Variants in FBN1 observed in about 807,000 individuals in gnomAD.
FBN1 encodes the protein fibrillin 1.
Under a neutral mutation model 365.1 loss-of-function variants are expected in FBN1, and 29 were observed. The ratio of observed to expected loss-of-function variants is 0.08; its 90% CI spans 0.06 to 0.11. The LOEUF is 0.11. Ranked by LOEUF, FBN1 falls within the 10% of genes least tolerant of loss-of-function variation. FBN1 has a pLI of 1.00. For synonymous variants in FBN1, 1,210 were observed against 1,270.5 expected, an observed-to-expected ratio of 0.95 and a Z score of 1.01; for missense variants, 2,476 against 3,703.2, an observed-to-expected ratio of 0.67 and a Z score of 8.60.
At chr15:48,470,538 C>T in intron 36 of FBN1, 96 bp downstream of exon 36, 1 of 1,554,034 alleles carries the variant, frequency 6.4e-7, no homozygotes, top group South Asian at 1.1e-5. Context: ...CTTTTCTTGT[C>T]TTCTGTGACG....
At chr15:48,587,018 C>T (rs1417779173) in intron 6 of FBN1, among the ~76,000 whole-genome samples, 1 of 152,134 alleles carries the variant, frequency 6.6e-6, no homozygotes, top group African/African-American at 2.4e-5. Flanking sequence ...CTAACAAACC[C>T]GATGCCTCCC....
intron 24 of FBN1, among the ~76,000 whole-genome samples, chr15:48,491,484 G>A (rs1315360687): frequency 6.6e-6 from 1 of 151,910 alleles, no homozygotes; most frequent in African/African-American, 2.4e-5. Flanking sequence ...CCGAGTAGCT[G>A]GGATTACAGG....
intron 64 of FBN1, among the ~76,000 whole-genome samples, chr15:48,415,285 A>C (rs1597509397): frequency 6.6e-6 from 1 of 152,228 alleles, no homozygotes; most frequent in African/African-American, 2.4e-5. Flanking sequence ...GATCAAGAGA[A>C]TAAGATAGAG....
intron 51 of FBN1, 129 bp downstream of exon 51, chr15:48,437,639 A>T: frequency 7.4e-6 from 8 of 1,077,898 alleles, no homozygotes; most frequent in Non-Finnish European, 9.5e-6. Flanking sequence ...ATAATTTTTA[A>T]TGAACATTCT....
Position 48,465,873 on chromosome 15 carries a change from A to G in FBN1, c.4748-15T>C. The G allele has an allele frequency of 6.3e-7, 1 of 1,592,286 alleles. No homozygotes were observed. Among genetic ancestry groups the G allele is most frequent in the Non-Finnish European group, 8.6e-7 (1 of 1,160,466 alleles). On this transcript the variant is annotated splice_polypyrimidine_tract_variant and intron_variant, in intron 38 of 65. Transcript: ENST00000316623. ...TTTGTACTCGGCTATTGAAACAAAA[A>G]TTCAAATTGAGTTGTTTTGAATCTA...
rs1011351357 is a variant in FBN1, at chr15:48,625,843, G to T, written c.165-12751C>A. Among the ~76,000 whole-genome samples the T allele has an allele frequency of 2.6e-5, 4 of 151,386 alleles. No individual in the cohort carries two copies. In the East Asian group the frequency reaches 5.8e-4, roughly 22 times the overall value. ...ACTGGAAATTACCAGCGTTTTTTTT[G>T]TGTGTGTATGCAAGTTCCTTAAATA... On this transcript the variant is annotated intron_variant, in intron 2 of 65. Transcript: ENST00000316623.
rs2043271367 is a variant in FBN1 at position 48,460,306 on chromosome 15, T to G, written c.5236A>C (p.Thr1746Pro). The change falls in exon 43 of 66, where the codon ACA becomes CCA. Residue 1746 changes from threonine (T) to proline (P), a missense_variant. Thr to Pro is a conservative substitution (Grantham distance 38). Transcript: ENST00000316623. The part of the protein sequence containing the change: ...CPIPSTDEFA[T>P]LCGSQRPGFV... ...CCTGGCCTTTGACTTCCACAGAGTG[T>G]AGCAAACTCATCTGCAATGATTAAA... The G allele has an allele frequency of 6.2e-7, 1 of 1,612,148 alleles. No individual in the cohort carries two copies. Among genetic ancestry groups the G allele is most frequent in the Admixed American group, 1.7e-5 (1 of 59,988 alleles).
Position 48,420,725 on chromosome 15 carries a change from T to G in FBN1, c.7781A>C (p.Gln2594Pro). Residue 2594 changes from glutamine (Q) to proline (P), a missense_variant, in exon 63 of 66, where the codon CAG becomes CCG. Around this residue, in one of 5 missense-constraint regions of FBN1, gnomAD observed 1,780 missense variants for 2,840.8 expected, o/e 0.63. Transcript: ENST00000316623. ...CCACTGGTAGTGCTGGAGGTAGCCC[T>G]GGGGGCAGCTGCACCTGTAGCCCCC... The part of the protein sequence containing the change: ...IIGGYRCSCP[Q>P]GYLQHYQWNQ... 6.2e-7 allele frequency: 1 copy of G among 1,614,132 alleles called. No individual in the cohort carries two copies. Among genetic ancestry groups the G allele is most frequent in the Non-Finnish European group, 8.5e-7 (1 of 1,180,006 alleles).
At chr15:48,509,953 G>A (rs2043744693) in intron 14 of FBN1, 91 bp downstream of exon 14, 1 of 1,331,882 alleles carries the variant, frequency 7.5e-7, no homozygotes, top group African/African-American at 1.4e-5. Context: ...TTGATACTTT[G>A]ACATTTCACT....
At chr15:48,473,330 A>C (rs1432300001) in intron 34 of FBN1, among the ~76,000 whole-genome samples, 2 of 152,238 alleles carry the variant, frequency 1.3e-5, no homozygotes, top group African/African-American at 4.8e-5. Flanking sequence ...TTTATGAACA[A>C]AGTGCTCAGG....
At chr15:48,575,066 C>T (rs1428436279) in intron 6 of FBN1, among the ~76,000 whole-genome samples, 1 of 152,132 alleles carries the variant, frequency 6.6e-6, no homozygotes, top group Admixed American at 6.6e-5. Flanking sequence ...AGATTAGAGA[C>T]GGGAAATAGT....
At chr15:48,466,793 A>G (rs1202699909) in intron 38 of FBN1, among the ~76,000 whole-genome samples, 2 of 152,124 alleles carry the variant, frequency 1.3e-5, no homozygotes, top group African/African-American at 4.8e-5. Context: ...CACCAATGAA[A>G]TGAAAAGTCC....
At chr15:48,480,822 AT>A (rs1193476966) in intron 32 of FBN1, among the ~76,000 whole-genome samples, 9 of 152,198 alleles carry the variant, frequency 5.9e-5, no homozygotes, top group African/African-American at 9.6e-5. Flanking sequence ...CAGTTACCTA[AT>A]TCAAGCTCAC....
chr15:48,602,516 C>T (rs2140722011), intron 4 of FBN1, among the ~76,000 whole-genome samples: 1 of 152,248 alleles, frequency 6.6e-6, no homozygotes, highest in African/African-American at 2.4e-5. Context: ...AAGCCATGCC[C>T]AAAGACCAAA....
chr15:48,414,410 G>A (rs866665944), intron 64 of FBN1, among the ~76,000 whole-genome samples: 9 of 152,072 alleles, frequency 5.9e-5, no homozygotes, highest in South Asian at 4.1e-4. Context: ...GTGTGTACAC[G>A]CATGTGGAGG....
intron 53 of FBN1, 147 bp downstream of exon 53, chr15:48,436,814 T>C: frequency 1.4e-6 from 1 of 697,394 alleles, no homozygotes; most frequent in Non-Finnish European, 2.6e-6. Context: ...GGTGACTCAC[T>C]AGTATTCTAA....
At chr15:48,527,858 G>C (rs956840432) in intron 8 of FBN1, among the ~76,000 whole-genome samples, 3 of 152,230 alleles carry the variant, frequency 2.0e-5, no homozygotes, top group African/African-American at 7.2e-5. Flanking sequence ...TATTCTGACA[G>C]ATAGAAATTT....
rs1444394208 is a variant in FBN1, at chr15:48,485,647, T to C, written c.3590-151A>G. 3.6e-6 allele frequency: 3 copies of C among 838,096 alleles called. No individual in the cohort carries two copies. The African/African-American group carries it at 5.0e-5, about 14-fold the overall frequency. The allele number at this position is 838,096 out of a possible 1,614,324, so 51.9% of individuals were successfully genotyped here. A position where few individuals can be genotyped will look rare whatever the true frequency, so the allele number is the denominator to read the frequency against. Reference sequence around the variant, plus strand: ...TCATCCTATGAGGGCTCTACCCTCATGGTGGGATCGGTGCTGTTATAAAAG... The same window carrying C: ...TCATCCTATGAGGGCTCTACCCTCACGGTGGGATCGGTGCTGTTATAAAAG... On this transcript the variant is annotated intron_variant, in intron 29 of 65. Transcript: ENST00000316623.
chr15:48,428,640 A>G (rs557083145), intron 56 of FBN1, among the ~76,000 whole-genome samples, 169 bp from the exon 57 acceptor site: 1 of 145,706 alleles, frequency 6.9e-6, no homozygotes, highest in East Asian at 2.0e-4. Context: ...TCCCTCTCTC[A>G]CATCTTTCCT....
Sources: gnomAD v4.1 joint callset for allele counts (sites outside exome capture counted in the v4.1 genomes callset) on GRCh38, gnomAD v4.1.1 for gene constraint, gnomAD v4.1.1 regional missense constraint, MANE v1.5 for transcripts, NCBI Gene and HGNC (gene_info 2026-07-23, HGNC 2026-07-21) for gene names.